The following HERC3 variants were observed in gnomAD, a reference collection of about 807,000 sequenced individuals.
HERC3 encodes the protein HECT and RLD domain containing E3 ubiquitin protein ligase 3, also known as probable E3 ubiquitin-protein ligase HERC3.
Under a neutral mutation model 129.9 loss-of-function variants are expected in HERC3, and 58 were observed. The observed-to-expected ratio is 0.45, with a 90% CI of 0.36 to 0.56. HERC3 has a LOEUF of 0.56. Ranked by LOEUF, HERC3 falls within the 20% of genes least tolerant of loss-of-function variation. The pLI, the probability that HERC3 is intolerant of heterozygous loss-of-function variation, is 0.00. For missense variants in HERC3, 835 were observed against 1,244.2 expected (o/e 0.67, Z 4.95); for synonymous variants, 430 against 451.0 (o/e 0.95, Z 0.59).
chr4:88,688,943 G>A (rs1174388557), intron 23 of HERC3, among the ~76,000 whole-genome samples: 5 of 152,176 alleles, frequency 3.3e-5, no homozygotes, highest in Non-Finnish European at 7.3e-5. Flanking sequence ...GAAAGAGCGG[G>A]TAGGGGGTGG....
At chr4:88,565,033 A>G in the HERC3 span, among the ~76,000 whole-genome samples, 1 of 151,988 alleles carries the variant, frequency 6.6e-6, no homozygotes, top group Non-Finnish European at 1.5e-5. Context: ...GTGTTTGTAT[A>G]GTTTCCAATG....
chr4:88,627,724 G>A (rs1315846185), intron 3 of HERC3, among the ~76,000 whole-genome samples: 3 of 151,730 alleles, frequency 2.0e-5, no homozygotes, highest in Admixed American at 6.6e-5. Flanking sequence ...CTGACATGGT[G>A]AAACCCTGTT....
At chr4:88,601,360 T>G (rs913897673) in intron 2 of HERC3, among the ~76,000 whole-genome samples, 1 of 152,200 alleles carries the variant, frequency 6.6e-6, no homozygotes, top group African/African-American at 2.4e-5. Context: ...CAAGAGAGGT[T>G]GAAAGTACGA....
chr4:88,572,270 T>C, the HERC3 span, among the ~76,000 whole-genome samples: 15 of 151,794 alleles, frequency 9.9e-5, no homozygotes, highest in African/African-American at 1.5e-4. Flanking sequence ...AAAAAGTGTA[T>C]TCTTTTAATT....
chr4:88,697,649 C>T (rs1734767776), intron 23 of HERC3: 3 of 1,613,498 alleles, frequency 1.9e-6, no homozygotes, highest in Non-Finnish European at 2.5e-6. Context: ...CTGTCACAGT[C>T]TCCACCCTGC....
upstream of HERC3, among the ~76,000 whole-genome samples, chr4:88,590,624 C>T (rs1321234215): frequency 4.6e-5 from 7 of 152,320 alleles, no homozygotes; most frequent in African/African-American, 1.7e-4. Flanking sequence ...CCAGACATAT[C>T]AACCCAAACA....
chr4:88,555,835 T>C, the HERC3 span, among the ~76,000 whole-genome samples: 2 of 152,212 alleles, frequency 1.3e-5, no homozygotes, highest in Non-Finnish European at 2.9e-5. Flanking sequence ...AGGAGAATTA[T>C]AGTGAATGTT....
At chr4:88,661,645 G>A (rs182408737) in intron 10 of HERC3, among the ~76,000 whole-genome samples, 315 of 152,286 alleles carry the variant, frequency 2.1e-3, no homozygotes, top group African/African-American at 6.5e-3. Context: ...GAAAAGGAAA[G>A]TGCTTATTAT....
Position 88,693,203 on chromosome 4 carries a change from C to G in HERC3, c.2657+5904C>G, listed in dbSNP as rs1025017928. ...TTTATTCCTCTTTTTTCTCTTCCCC[C>G]CCACCACCATTTTTAATAAGACTAT... is the stretch of plus-strand genomic sequence containing the variant. On this transcript the variant is annotated intron_variant, in intron 23 of 25. Transcript: ENST00000402738. The G allele has an allele frequency of 1.0e-5, 10 of 981,114 alleles. No homozygotes were observed. In the African/African-American group the frequency reaches 1.6e-4, roughly 15 times the overall value. 60.8% of individuals were successfully genotyped at this position (981,114 alleles called of 1,614,324 possible).
intron 5 of HERC3, among the ~76,000 whole-genome samples, chr4:88,652,506 A>C (rs1238730843): frequency 6.6e-6 from 1 of 152,198 alleles, no homozygotes; most frequent in Non-Finnish European, 1.5e-5. Context: ...GAGCAGACCA[A>C]GTGGTCATTG....
the HERC3 span, among the ~76,000 whole-genome samples, chr4:88,530,257 T>C: frequency 2.0e-5 from 3 of 151,468 alleles, no homozygotes; most frequent in African/African-American, 7.3e-5. Context: ...GCCACTGCAC[T>C]CCAGCCTAGG....
At chr4:88,614,615 C>T (rs1169883385) in intron 3 of HERC3, among the ~76,000 whole-genome samples, 1 of 152,134 alleles carries the variant, frequency 6.6e-6, no homozygotes, top group Non-Finnish European at 1.5e-5. Flanking sequence ...CCTTTTTAAG[C>T]TCTTTTGAGC....
intron 9 of HERC3, 103 bp downstream of exon 9, chr4:88,656,138 T>A: frequency 1.8e-6 from 2 of 1,100,790 alleles, no homozygotes; most frequent in Admixed American, 5.0e-5. Flanking sequence ...TTGGAGGGAA[T>A]GAAGATAAGG....
At chr4:88,613,807 C>T (rs1724613922) in intron 3 of HERC3, among the ~76,000 whole-genome samples, 1 of 152,132 alleles carries the variant, frequency 6.6e-6, no homozygotes, top group Admixed American at 6.6e-5. Flanking sequence ...AGGCTGTGCA[C>T]CCCTTTCTGA....
intron 23 of HERC3, chr4:88,689,921 C>T (rs1197992901): frequency 7.4e-6 from 6 of 808,518 alleles, no homozygotes; most frequent in Non-Finnish European, 9.0e-6. Flanking sequence ...AGTATGATCT[C>T]ATACATCATT....
intron 3 of HERC3, among the ~76,000 whole-genome samples, chr4:88,646,743 G>C (rs1025431439): frequency 6.6e-6 from 1 of 152,152 alleles, no homozygotes; most frequent in African/African-American, 2.4e-5. Flanking sequence ...GCTGACCTAG[G>C]GGGTAGATTC....
chr4:88,631,487 C>T (rs111475956), intron 3 of HERC3, among the ~76,000 whole-genome samples: 126 of 152,238 alleles, frequency 8.3e-4, no homozygotes, highest in African/African-American at 2.9e-3. Flanking sequence ...ACTGTAAATT[C>T]TTATCATAAC....
intron 3 of HERC3, among the ~76,000 whole-genome samples, chr4:88,606,615 G>A (rs1723668552): frequency 6.6e-6 from 1 of 152,184 alleles, no homozygotes; most frequent in South Asian, 2.1e-4. Flanking sequence ...CGTGGCTGGG[G>A]AGGCCTCACA....
the HERC3 span, among the ~76,000 whole-genome samples, chr4:88,532,416 G>A: frequency 1.6e-4 from 25 of 152,246 alleles, no homozygotes; most frequent in Admixed American, 1.6e-3. Context: ...TGAGGGCAGG[G>A]GAGTATATAT....
Sources: gnomAD v4.1 joint callset for allele counts (sites outside exome capture counted in the v4.1 genomes callset) on GRCh38, gnomAD v4.1.1 for gene constraint, MANE v1.5 for transcripts, NCBI Gene and HGNC (gene_info 2026-07-23, HGNC 2026-07-21) for gene names.